The following LETM2 variants were observed in gnomAD, a reference collection of about 807,000 sequenced individuals.
LETM2 encodes LETM1 domain-containing protein LETM2, mitochondrial.
LETM2 carries 58 observed loss-of-function variants against 59.6 expected under a neutral mutation model. The ratio of observed to expected loss-of-function variants is 0.97; its 90% CI spans 0.79 to 1.21. LETM2 has a LOEUF of 1.21. Ranked by LOEUF, LETM2 falls within the 50% of genes most tolerant of loss-of-function variation. The pLI is 0.00. For missense variants in LETM2, 572 were observed against 575.7 expected, an observed-to-expected ratio of 0.99 and a Z score of 0.07; for synonymous variants, 199 against 214.1, an observed-to-expected ratio of 0.93 and a Z score of 0.62.
intron 7 of LETM2, among the ~76,000 whole-genome samples, chr8:38,403,094 A>G: frequency 6.6e-6 from 1 of 152,018 alleles, no homozygotes; most frequent in Non-Finnish European, 1.5e-5. Flanking sequence ...GGCCTCCTTC[A>G]TCTGCAAGAG....
At position 38,408,277 on chromosome 8, in the gene LETM2, GACT is replaced by G. The variant is rs72067977; in HGVS notation, c.*7_*9del. The G allele has an allele frequency of 0.04, 63,956 of 1,611,622 alleles. 1,517 individuals carry two copies. The highest frequency in any genetic ancestry group is 0.046 in the Non-Finnish European group (54,757 of 1,178,572). ...AGGCTAGTTCAAAAGGAGCATAAAGGACTACTTGAGGATGGAGCTCACTCTCTT... is the reference window on the plus strand; with the variant it reads ...AGGCTAGTTCAAAAGGAGCATAAAGGACTTGAGGATGGAGCTCACTCTCTT... On this transcript the variant is annotated 3_prime_UTR_variant, in exon 11 of 11. Transcript: ENST00000379957.
chr8:38,398,422 C>A (rs1048836793), intron 4 of LETM2, among the ~76,000 whole-genome samples: 1 of 152,154 alleles, frequency 6.6e-6, no homozygotes, highest in Non-Finnish European at 1.5e-5. Flanking sequence ...TCAGAAAATT[C>A]TTGTTTGCTT....
chr8:38,397,269 C>A (rs1014483714), intron 4 of LETM2: 23 of 390,740 alleles, frequency 5.9e-5, no homozygotes, highest in Non-Finnish European at 1.1e-4. Context: ...CTCCGCCTCC[C>A]GGATGCAAGC....
At chr8:38,397,055 T>A (rs1585994633) in intron 4 of LETM2, 2 of 454,484 alleles carry the variant, frequency 4.4e-6, no homozygotes, top group Non-Finnish European at 8.8e-6. Flanking sequence ...GCAGTCACTG[T>A]GCCGGTGAGA....
Position 38,408,524 on chromosome 8 carries a change from T to TA in LETM2, c.*251dup. ...ACCATTGTCACCCCACTCAACTTTGTATAAAGCCCACCCCCCATCATGTTG... is the reference window on the plus strand; with the variant it reads ...ACCATTGTCACCCCACTCAACTTTGTAATAAAGCCCACCCCCCATCATGTTG... On this transcript the variant is annotated 3_prime_UTR_variant, in exon 11 of 11. Coordinates refer to ENST00000379957, the MANE Select transcript of LETM2 (RefSeq NM_001286819.2). 1 of 396,928 alleles carries TA rather than the reference T, an allele frequency of 2.5e-6. No homozygotes were observed. Among genetic ancestry groups the TA allele is most frequent in the Non-Finnish European group, 4.6e-6 (1 of 215,838 alleles). The allele number at this position is 396,928 out of a possible 1,614,324, so 24.6% of individuals were successfully genotyped here. A position where few individuals can be genotyped will look rare whatever the true frequency, so the allele number is the denominator to read the frequency against.
intron 4 of LETM2, 152 bp from the exon 5 acceptor site, chr8:38,400,120 G>T: frequency 1.9e-6 from 1 of 534,524 alleles, no homozygotes. Flanking sequence ...ACTTGCTCTG[G>T]TCTCACAAAC....
At chr8:38,398,062 C>T (rs954296708) in intron 4 of LETM2, among the ~76,000 whole-genome samples, 5 of 151,730 alleles carry the variant, frequency 3.3e-5, no homozygotes, top group African/African-American at 7.3e-5. Context: ...ATCACTTAAA[C>T]CTGGGACGCA....
At chr8:38,405,373 T>A (rs1813636495) in intron 8 of LETM2, among the ~76,000 whole-genome samples, 1 of 152,180 alleles carries the variant, frequency 6.6e-6, no homozygotes, top group Non-Finnish European at 1.5e-5. Flanking sequence ...TGGCTTCCTG[T>A]CTGACTCAGA....
At chr8:38,402,763 A>T in intron 7 of LETM2, 119 bp downstream of exon 7, 1 of 1,032,776 alleles carries the variant, frequency 9.7e-7, no homozygotes, top group Non-Finnish European at 1.4e-6. Flanking sequence ...GCCTTATTTC[A>T]TTGAGCAGTG....
At chr8:38,405,602 G>C (rs1171854813) in intron 8 of LETM2, among the ~76,000 whole-genome samples, 1 of 152,194 alleles carries the variant, frequency 6.6e-6, no homozygotes, top group African/African-American at 2.4e-5. Flanking sequence ...GAGTAATCTG[G>C]TTTTGGGATT....
intron 4 of LETM2, among the ~76,000 whole-genome samples, chr8:38,399,136 G>T (rs1812947207): frequency 1.3e-5 from 2 of 151,906 alleles, no homozygotes; most frequent in South Asian, 4.2e-4. Flanking sequence ...AATCTCCTAG[G>T]CAACTTAAAA....
intron 10 of LETM2, 28 bp from the exon 11 acceptor site, chr8:38,408,184 G>A: frequency 1.3e-6 from 2 of 1,596,464 alleles, no homozygotes; most frequent in Non-Finnish European, 1.7e-6. Flanking sequence ...TGTGACTAAT[G>A]CCTACAGTCC....
upstream of LETM2, among the ~76,000 whole-genome samples, chr8:38,385,590 G>A (rs1585953126): frequency 6.6e-6 from 1 of 152,238 alleles, no homozygotes; most frequent in East Asian, 1.9e-4. Context: ...TAGAGACAGG[G>A]TTTCACCATG....
chr8:38,399,949 A>AAGAG (rs3138841), intron 4 of LETM2, among the ~76,000 whole-genome samples: 211 of 148,066 alleles, frequency 1.4e-3, no homozygotes, highest in East Asian at 3.6e-3. Flanking sequence ...TGATCTCAAA[A>AAGAG]AGAGAGAGAG....
At chr8:38,391,984 G>A (rs368449108) in intron 2 of LETM2, among the ~76,000 whole-genome samples, 1 of 152,122 alleles carries the variant, frequency 6.6e-6, no homozygotes, top group African/African-American at 2.4e-5. Context: ...GAGCCATCGC[G>A]GCCAGCCCAA....
chr8:38,391,940 C>A (rs1203990867), intron 2 of LETM2, among the ~76,000 whole-genome samples: 2 of 152,090 alleles, frequency 1.3e-5, no homozygotes, highest in Non-Finnish European at 2.9e-5. Context: ...GATCCACCTG[C>A]CTTGGCCTCG....
At chr8:38,396,290 A>G (rs1812684922) in intron 4 of LETM2, among the ~76,000 whole-genome samples, 1 of 151,796 alleles carries the variant, frequency 6.6e-6, no homozygotes, top group South Asian at 2.1e-4. Context: ...CAGCCTCCCA[A>G]GTAGCTGGGA....
At chr8:38,383,929 C>CAAAA (rs34110368), upstream of LETM2, among the ~76,000 whole-genome samples, 1 of 121,036 alleles carries the variant, frequency 8.3e-6, no homozygotes. Flanking sequence ...GGCTATGTCT[C>CAAAA]AAAAAAAAAA....
rs764184697 is a variant in LETM2 at position 38,407,405 on chromosome 8, T to A, written c.1355T>A (p.Ile452Lys). 2 of 1,613,568 alleles carry A rather than the reference T, an allele frequency of 1.2e-6. No individual in the cohort carries two copies. Among genetic ancestry groups the A allele is most frequent in the South Asian group, 1.1e-5 (1 of 91,074 alleles). The change falls in exon 10 of 11, where the codon ATA (isoleucine) becomes AAA (lysine). Residue 452 changes from isoleucine to lysine, a missense_variant. Physicochemically the swap from Ile to Lys is moderately radical, Grantham distance 102 (BLOSUM62 -3). Coordinates refer to ENST00000379957, the MANE Select transcript of LETM2 (RefSeq NM_001286819.2). Reference sequence around the variant, plus strand: ...CCGCCACCAGTTACATCATCACCCATAACACCATCAACACCTATTTCATTA... The same window carrying A: ...CCGCCACCAGTTACATCATCACCCAAAACACCATCAACACCTATTTCATTA... ...IQPPPVTSSP[I>K]TPSTPISLPK...
Sources: gnomAD v4.1 joint callset for allele counts (sites outside exome capture counted in the v4.1 genomes callset) on GRCh38, gnomAD v4.1.1 for gene constraint, MANE v1.5 for transcripts, NCBI Gene and HGNC (gene_info 2026-07-23, HGNC 2026-07-21) for gene names.